The following GNG7 variants were observed in gnomAD, a reference collection of about 807,000 sequenced individuals.
GNG7 encodes guanine nucleotide-binding protein G(I)/G(S)/G(O) subunit gamma-7.
In GNG7, 1 loss-of-function variant was observed where a neutral mutation model predicts 4.0. The observed-to-expected ratio is 0.25, with a 90% CI of 0.09 to 1.18. The LOEUF is 1.18. Ranked by LOEUF, GNG7 falls within the 50% of genes most tolerant of loss-of-function variation. The probability of loss-of-function intolerance (pLI) is 0.50; values close to 1 mark genes in which losing one functional copy is unlikely to be tolerated. For synonymous variants in GNG7, 34 were observed against 36.9 expected, an observed-to-expected ratio of 0.92 and a Z score of 0.29; for missense variants, 86 against 91.9, an observed-to-expected ratio of 0.94 and a Z score of 0.26.
At chr19:2,540,603 G>A (rs1397235546) in intron 3 of GNG7, among the ~76,000 whole-genome samples, 1 of 152,230 alleles carries the variant, frequency 6.6e-6, no homozygotes, top group Admixed American at 6.5e-5. Context: ...CAGGCCTGGG[G>A]TGGTTGGAGA....
At chr19:2,593,210 T>C (rs938334944) in intron 2 of GNG7, among the ~76,000 whole-genome samples, 1 of 152,082 alleles carries the variant, frequency 6.6e-6, no homozygotes, top group African/African-American at 2.4e-5. Context: ...GCCACCCAGA[T>C]TGAGGGGAGA....
At chr19:2,594,375 G>C (rs550211204) in intron 2 of GNG7, among the ~76,000 whole-genome samples, 72 of 145,618 alleles carry the variant, frequency 4.9e-4, no homozygotes, top group South Asian at 2.7e-3. Context: ...ACTCCCTCAA[G>C]AAAGAAAGAA....
rs1175526574 is a variant in GNG7 at position 2,542,107 on chromosome 19, C to CTTTTTTTTT, written c.-38+13033_-38+13041dup. 1.5e-4 allele frequency among the ~76,000 whole-genome samples: 10 copies of CTTTTTTTTT among 64,570 alleles called. 1 individual carries two copies. The highest frequency in any genetic ancestry group is 2.5e-4 in the Non-Finnish European group (9 of 36,166). The allele number at this position is 64,570 out of a possible 152,430, so 42.4% of individuals were successfully genotyped here. On this transcript the variant is annotated intron_variant, in intron 3 of 4. Coordinates refer to ENST00000382159, the MANE Select transcript of GNG7 (RefSeq NM_052847.3). ...CTCATGGGAGGCAGCGCTGTGTGTT[C>CTTTTTTTTT]TTTTTTTTTTTTTTTTTTTTTTTTT...
At position 2,568,238 on chromosome 19, in the gene GNG7, T is replaced by C. The variant is rs372023480; in HGVS notation, c.-77-13050A>G. On this transcript the variant is annotated intron_variant, in intron 2 of 4. Transcript: ENST00000382159. ...ATACAGACATGCACACACGTGCACA[T>C]ACACACATATAGACATACACACATA... Among the ~76,000 whole-genome samples, 48 of 145,976 alleles carry C rather than the reference T, an allele frequency of 3.3e-4. No individual in the cohort carries two copies. The East Asian group carries it at 5.6e-3, about 17-fold the overall frequency.
At chr19:2,538,653 A>C (rs1205610260) in intron 3 of GNG7, 1 of 448,498 alleles carries the variant, frequency 2.2e-6, no homozygotes, top group African/African-American at 2.0e-5. Context: ...ATAGAAAGGC[A>C]TGCATATATT....
intron 3 of GNG7, among the ~76,000 whole-genome samples, chr19:2,541,539 C>A (rs975726743): frequency 4.0e-5 from 6 of 151,892 alleles, no homozygotes; most frequent in African/African-American, 1.2e-4. Flanking sequence ...TCGAGACCAG[C>A]CTGGCCAAGA....
intron 3 of GNG7, among the ~76,000 whole-genome samples, chr19:2,550,214 A>G (rs1979273032): frequency 6.6e-6 from 1 of 151,186 alleles, no homozygotes; most frequent in Non-Finnish European, 1.5e-5. Context: ...CCCCGTGGCG[A>G]CCCTCCTTGC....
At chr19:2,622,031 G>A (rs1425490354) in intron 2 of GNG7, among the ~76,000 whole-genome samples, 1 of 151,896 alleles carries the variant, frequency 6.6e-6, no homozygotes, top group Non-Finnish European at 1.5e-5. Context: ...CACCACGGAG[G>A]AGTGAGTTCG....
intron 1 of GNG7, among the ~76,000 whole-genome samples, chr19:2,660,540 A>T (rs1192906987): frequency 6.6e-6 from 1 of 151,796 alleles, no homozygotes; most frequent in Non-Finnish European, 1.5e-5. Flanking sequence ...GGAGGCTGAG[A>T]TGGGAGGATG....
At chr19:2,658,545 C>A (rs1983056129) in intron 1 of GNG7, among the ~76,000 whole-genome samples, 1 of 152,086 alleles carries the variant, frequency 6.6e-6, no homozygotes, top group African/African-American at 2.4e-5. Flanking sequence ...TGGATAAACA[C>A]AATGTCATCC....
intron 2 of GNG7, among the ~76,000 whole-genome samples, chr19:2,588,578 G>C (rs956415150): frequency 6.6e-6 from 1 of 152,214 alleles, no homozygotes; most frequent in Non-Finnish European, 1.5e-5. Flanking sequence ...ACTTTCTCCC[G>C]TCAGTCAGGG....
At chr19:2,638,647 G>C (rs905753434) in intron 2 of GNG7, among the ~76,000 whole-genome samples, 2 of 151,058 alleles carry the variant, frequency 1.3e-5, no homozygotes, top group African/African-American at 4.9e-5. Flanking sequence ...ATGGGGCCAT[G>C]TTGAGCAGTG....
chr19:2,674,741 G>C (rs1983551896), intron 1 of GNG7, among the ~76,000 whole-genome samples: 1 of 152,190 alleles, frequency 6.6e-6, no homozygotes, highest in Non-Finnish European at 1.5e-5. Flanking sequence ...TGGCCTGCAA[G>C]GTGACTGTTT....
chr19:2,538,188 G>C, intron 3 of GNG7: 1 of 456,740 alleles, frequency 2.2e-6, no homozygotes, highest in Non-Finnish European at 4.4e-6. Flanking sequence ...TTCTGACGAT[G>C]ATGACTTTAT....
At position 2,618,655 on chromosome 19, in the gene GNG7, AT is replaced by A. The variant is rs200960656; in HGVS notation, c.-78+27568del. On this transcript the variant is annotated intron_variant, in intron 2 of 4. Coordinates refer to ENST00000382159, the MANE Select transcript of GNG7 (RefSeq NM_052847.3). The surrounding 1 kb of genome is among the most constrained non-coding windows in gnomAD (Gnocchi z 5.1). ...TGAGCCACCGTGCCCAGCCTGTTCT[AT>A]TTTTTTTTTAATAAACAATTTTATT... 6.1e-3 allele frequency among the ~76,000 whole-genome samples: 906 copies of A among 148,242 alleles called. 11 individuals are homozygous for A. The highest frequency in any genetic ancestry group is 0.02 in the African/African-American group (821 of 40,514).
intron 2 of GNG7, among the ~76,000 whole-genome samples, chr19:2,564,888 T>A (rs79845367): frequency 1.0e-3 from 132 of 132,456 alleles, no homozygotes; most frequent in Non-Finnish European, 1.3e-3. Flanking sequence ...ATTGGTCATT[T>A]AAAAAAAAAA....
At chr19:2,544,772 CG>C (rs1248485399) in intron 3 of GNG7, among the ~76,000 whole-genome samples, 1 of 152,214 alleles carries the variant, frequency 6.6e-6, no homozygotes, top group South Asian at 2.1e-4. Flanking sequence ...CTGTGGTTGT[CG>C]GGGTTGGGGG....
Position 2,539,628 on chromosome 19 carries a change from C to G in GNG7, c.-38+15521G>C, listed in dbSNP as rs1202727248. Among the ~76,000 whole-genome samples, 4 of 152,128 alleles carry G rather than the reference C, an allele frequency of 2.6e-5. No individual in the cohort carries two copies. In the East Asian group the frequency reaches 7.7e-4, roughly 29 times the overall value. On this transcript the variant is annotated intron_variant, in intron 3 of 4. Transcript: ENST00000382159. ...CCATAAGCTCAATTTTAGACACATACGATATCCAATGGGGGATGGACACAC... is the reference window on the plus strand; with the variant it reads ...CCATAAGCTCAATTTTAGACACATAGGATATCCAATGGGGGATGGACACAC...
chr19:2,688,209 C>G (rs937629362), intron 1 of GNG7, among the ~76,000 whole-genome samples: 1 of 152,280 alleles, frequency 6.6e-6, no homozygotes, highest in Non-Finnish European at 1.5e-5. Flanking sequence ...GCCAAGATCG[C>G]GCCACTGCAC....
Sources: allele counts gnomAD v4.1 joint callset (sites outside exome capture counted in the v4.1 genomes callset), GRCh38; gene constraint gnomAD v4.1.1; non-coding constraint Gnocchi (gnomAD v3.1); transcripts MANE v1.5; gene names NCBI Gene and HGNC (gene_info 2026-07-23, HGNC 2026-07-21).